XRCC4: variants seen among roughly 807,000 people sequenced by gnomAD.
XRCC4 encodes DNA repair protein XRCC4.
XRCC4 carries 28 observed loss-of-function variants against 39.1 expected under a neutral mutation model. The ratio of observed to expected loss-of-function variants is 0.72; its 90% CI spans 0.53 to 0.98. The LOEUF is 0.98. XRCC4 is among the 50% of genes least tolerant of loss of function. XRCC4 has a pLI of 0.00. For missense variants in XRCC4, 350 were observed against 376.4 expected (o/e 0.93, Z 0.58); for synonymous variants, 123 against 126.4 (o/e 0.97, Z 0.18).
the XRCC4 span, among the ~76,000 whole-genome samples, chr5:83,370,823 C>T: frequency 1.1e-4 from 16 of 152,126 alleles, no homozygotes; most frequent in Admixed American, 8.5e-4. Flanking sequence ...TCATGTGTTA[C>T]CTGCATCAAC....
intron 3 of XRCC4, among the ~76,000 whole-genome samples, chr5:83,191,331 A>C (rs2112684307): frequency 6.6e-6 from 1 of 152,280 alleles, no homozygotes. Flanking sequence ...ACCTGGTGGG[A>C]GGTGATTGAA....
chr5:83,125,419 T>C (rs1169638537), intron 3 of XRCC4, among the ~76,000 whole-genome samples: 1 of 152,256 alleles, frequency 6.6e-6, no homozygotes. Flanking sequence ...TTCTGTATTT[T>C]ACATTTATAT....
Position 83,309,296 on chromosome 5 carries a change from A to AAAAAAATATATATATATATAT in XRCC4, c.894-43834_894-43833insAAAAATATATATATATATATA, listed in dbSNP as rs1561467702. Among the ~76,000 whole-genome samples the AAAAAAATATATATATATATAT allele has an allele frequency of 7.3e-4, 53 of 72,226 alleles. 1 individual carries two copies. Among genetic ancestry groups the AAAAAAATATATATATATATAT allele is most frequent in the Admixed American group, 1.5e-3 (6 of 4,068 alleles). 47.4% of individuals were successfully genotyped at this position (72,226 alleles called of 152,430 possible). A position where few individuals can be genotyped will look rare whatever the true frequency, so the allele number is the denominator to read the frequency against. Reference sequence around the variant, plus strand: ...AAAAAAAAAAAAAAAAAAAAAAAAAAATATATATATATATATATATATATA... The same window carrying AAAAAAATATATATATATATAT: ...AAAAAAAAAAAAAAAAAAAAAAAAAAAAAAAATATATATATATATATATATATATATATATATATATATATA... On this transcript the variant is annotated intron_variant, in intron 7 of 7. Transcript: ENST00000396027.
At chr5:83,302,102 T>C (rs1476110148) in intron 7 of XRCC4, among the ~76,000 whole-genome samples, 8 of 152,170 alleles carry the variant, frequency 5.3e-5, no homozygotes, top group African/African-American at 1.9e-4. Context: ...ATGACTATTC[T>C]GGCAGCAAGA....
chr5:83,184,850 G>GT (rs942917524), intron 3 of XRCC4, among the ~76,000 whole-genome samples: 88 of 151,364 alleles, frequency 5.8e-4, no homozygotes, highest in Non-Finnish European at 7.1e-4. Flanking sequence ...CGAGAGTGTA[G>GT]TTTTTTTTTA....
chr5:83,148,657 G>T (rs1357560976), intron 3 of XRCC4, among the ~76,000 whole-genome samples: 1 of 151,910 alleles, frequency 6.6e-6, no homozygotes, highest in African/African-American at 2.4e-5. Context: ...TTAAATCCTC[G>T]TTTATATAAC....
intron 3 of XRCC4, among the ~76,000 whole-genome samples, chr5:83,183,705 A>G (rs1750308361): frequency 6.6e-6 from 1 of 152,104 alleles, no homozygotes; most frequent in Non-Finnish European, 1.5e-5. Flanking sequence ...AATACAACTT[A>G]CTTTGCCATT....
chr5:83,234,714 G>A (rs576251268), intron 6 of XRCC4, among the ~76,000 whole-genome samples: 1 of 152,184 alleles, frequency 6.6e-6, no homozygotes, highest in Admixed American at 6.5e-5. Flanking sequence ...GATAATGTAT[G>A]ATTTACCTTG....
rs1338988199 is a variant in XRCC4, at chr5:83,186,982, C to T, written c.316-8788C>T. Among the ~76,000 whole-genome samples the T allele has an allele frequency of 7.5e-5, 3 of 40,210 alleles. No homozygotes were observed. The South Asian group carries it at 2.8e-3, about 38-fold the overall frequency. 26.4% of individuals were successfully genotyped at this position (40,210 alleles called of 152,430 possible). On this transcript the variant is annotated intron_variant, in intron 3 of 7. Transcript: ENST00000396027. ...TTTTTGAGACGGAGTCTCGCTCTGT[C>T]GCCCAGGCTGGAGTGCAGTGGCGCG...
intron 1 of XRCC4, among the ~76,000 whole-genome samples, chr5:83,081,706 T>C (rs557133658): frequency 1.3e-5 from 2 of 152,348 alleles, no homozygotes; most frequent in Admixed American, 1.3e-4. Context: ...TTAATGTATG[T>C]CTTATTTCTT....
chr5:83,102,720 T>C (rs1745998129), intron 1 of XRCC4, among the ~76,000 whole-genome samples: 1 of 152,092 alleles, frequency 6.6e-6, no homozygotes, highest in African/African-American at 2.4e-5. Context: ...TATCTGGCAA[T>C]GCTGTCACAT....
intron 7 of XRCC4, among the ~76,000 whole-genome samples, chr5:83,311,631 A>G (rs1023341386): frequency 6.6e-6 from 1 of 152,118 alleles, no homozygotes; most frequent in Non-Finnish European, 1.5e-5. Flanking sequence ...AACCATAAAA[A>G]AATTACCAAC....
intron 7 of XRCC4, among the ~76,000 whole-genome samples, chr5:83,351,553 A>G (rs1471847870): frequency 6.6e-6 from 1 of 152,180 alleles, no homozygotes; most frequent in Non-Finnish European, 1.5e-5. Context: ...CTTTTATCCC[A>G]TACTATATCA....
chr5:83,240,033 A>C (rs6452535), intron 6 of XRCC4, among the ~76,000 whole-genome samples: 1 of 151,348 alleles, frequency 6.6e-6, no homozygotes, highest in Non-Finnish European at 1.5e-5. Context: ...CTTTACCTGA[A>C]TGTGGTAGCA....
chr5:83,116,608 C>CTTTTTTTT (rs559079642), intron 3 of XRCC4, among the ~76,000 whole-genome samples: 6 of 103,192 alleles, frequency 5.8e-5, no homozygotes, highest in Admixed American at 1.3e-4. Flanking sequence ...TTCTCTCTCT[C>CTTTTTTTT]TTTTTTTTTT....
chr5:83,278,708 A>G (rs1450385417), intron 7 of XRCC4, among the ~76,000 whole-genome samples: 1 of 152,094 alleles, frequency 6.6e-6, no homozygotes, highest in Non-Finnish European at 1.5e-5. Flanking sequence ...GTTTGAGGCC[A>G]GGCGCAGTGG....
intron 7 of XRCC4, among the ~76,000 whole-genome samples, chr5:83,304,865 C>T (rs1231365674): frequency 6.6e-6 from 1 of 152,240 alleles, no homozygotes; most frequent in Admixed American, 6.5e-5. Flanking sequence ...AATTGAATTA[C>T]TAAACTGAAG....
intron 7 of XRCC4, among the ~76,000 whole-genome samples, chr5:83,344,415 C>CT (rs70973394): frequency 0.056 from 6,406 of 114,944 alleles, 459 homozygotes; most frequent in African/African-American, 0.14. Context: ...TTATTTTTCA[C>CT]TTTTTTTTTT....
At chr5:83,263,307 A>G (rs113797695) in intron 7 of XRCC4, among the ~76,000 whole-genome samples, 30,440 of 151,196 alleles carry the variant, frequency 0.2, 6,960 homozygotes, top group African/African-American at 0.57. Context: ...GTAAACATAC[A>G]TGTGCATGTG....
Sources: allele counts gnomAD v4.1 joint callset (sites outside exome capture counted in the v4.1 genomes callset), GRCh38; gene constraint gnomAD v4.1.1; transcripts MANE v1.5; gene names NCBI Gene and HGNC (gene_info 2026-07-23, HGNC 2026-07-21).